Variants in ERC2 observed in about 807,000 individuals in gnomAD.
ERC2 encodes ERC protein 2.
In ERC2, 42 loss-of-function variants were observed where a neutral mutation model predicts 114.8. The observed-to-expected ratio is 0.37, with a 90% CI of 0.29 to 0.47. ERC2 has a LOEUF of 0.47. Ranked by LOEUF, ERC2 falls within the 20% of genes least tolerant of loss-of-function variation. The pLI is 0.99. For missense variants in ERC2, 939 were observed against 1,150.7 expected, an observed-to-expected ratio of 0.82 and a Z score of 2.66; for synonymous variants, 454 against 425.5, an observed-to-expected ratio of 1.07 and a Z score of -0.82.
intron 6 of ERC2, among the ~76,000 whole-genome samples, chr3:56,088,949 G>A (rs1241319962): frequency 2.0e-5 from 3 of 152,110 alleles, no homozygotes; most frequent in South Asian, 2.1e-4. Context: ...ATGCAATAAA[G>A]GTTGCTGATC....
chr3:56,320,311 A>G (rs2057070017), intron 2 of ERC2, among the ~76,000 whole-genome samples: 1 of 152,236 alleles, frequency 6.6e-6, no homozygotes, highest in African/African-American at 2.4e-5. Flanking sequence ...ACATAGCTTG[A>G]AAGGGCTAAG....
intron 6 of ERC2, among the ~76,000 whole-genome samples, chr3:56,134,337 C>G (rs1471412973): frequency 6.6e-6 from 1 of 152,144 alleles, no homozygotes; most frequent in African/African-American, 2.4e-5. Context: ...AATCAGTTCT[C>G]TAACATATAT....
chr3:55,975,729 G>T (rs977635968), intron 12 of ERC2, among the ~76,000 whole-genome samples: 1 of 152,218 alleles, frequency 6.6e-6, no homozygotes, highest in Non-Finnish European at 1.5e-5. Flanking sequence ...CAGTACTCAA[G>T]GCTTTCCTCT....
At chr3:56,404,297 A>G (rs985400025) in intron 2 of ERC2, among the ~76,000 whole-genome samples, 2 of 152,114 alleles carry the variant, frequency 1.3e-5, no homozygotes, top group Non-Finnish European at 2.9e-5. Context: ...TCCTTTTCTC[A>G]TTTTGCTTTA....
chr3:55,619,271 CT>C (rs1193133527), intron 17 of ERC2, among the ~76,000 whole-genome samples: 2 of 152,186 alleles, frequency 1.3e-5, no homozygotes, highest in Admixed American at 6.5e-5. Flanking sequence ...GAAGGAATTT[CT>C]TTAGAAAAGA....
chr3:56,371,981 C>T (rs1224354491), intron 2 of ERC2, among the ~76,000 whole-genome samples: 1 of 152,220 alleles, frequency 6.6e-6, no homozygotes, highest in East Asian at 1.9e-4. Flanking sequence ...ATCTCTCATG[C>T]TGTGTTTTAG....
intron 17 of ERC2, among the ~76,000 whole-genome samples, chr3:55,526,620 G>A (rs1349274042): frequency 6.6e-6 from 1 of 152,178 alleles, no homozygotes; most frequent in African/African-American, 2.4e-5. Context: ...GCCCCAACAG[G>A]TTTTTTCAGA....
intron 1 of ERC2, among the ~76,000 whole-genome samples, chr3:56,460,964 C>CAAAAAAAAAAA (rs35313545): frequency 4.1e-5 from 4 of 98,174 alleles, no homozygotes; most frequent in Admixed American, 2.7e-4. Context: ...ACTAAAAATA[C>CAAAAAAAAAAA]AAAAAAAAAA....
At chr3:56,234,593 G>C (rs190710343) in intron 3 of ERC2, among the ~76,000 whole-genome samples, 5 of 152,268 alleles carry the variant, frequency 3.3e-5, no homozygotes, top group Non-Finnish European at 2.9e-5. Context: ...CATTTTGCAT[G>C]GTTATAACAG....
intron 13 of ERC2, among the ~76,000 whole-genome samples, chr3:55,918,342 T>A (rs1392448150): frequency 3.3e-5 from 5 of 152,188 alleles, no homozygotes; most frequent in South Asian, 2.1e-4. Flanking sequence ...TCTATGAGCA[T>A]CTGTTTTGTC....
chr3:56,317,383 C>T (rs190800359), intron 2 of ERC2, among the ~76,000 whole-genome samples: 34 of 152,138 alleles, frequency 2.2e-4, no homozygotes, highest in Non-Finnish European at 2.8e-4. Context: ...GAGGCAGCTA[C>T]GAAGGTAGCG....
intron 17 of ERC2, among the ~76,000 whole-genome samples, chr3:55,548,579 GTGT>G (rs2054922265): frequency 6.6e-6 from 1 of 152,198 alleles, no homozygotes. Context: ...AGACATACGT[GTGT>G]CAGCAAGGAG....
chr3:55,531,494 G>T (rs962261420), intron 17 of ERC2, among the ~76,000 whole-genome samples: 2 of 152,090 alleles, frequency 1.3e-5, no homozygotes, highest in Non-Finnish European at 2.9e-5. Context: ...TTGTGTCCTT[G>T]CTGCCATTTT....
chr3:55,775,427 A>G (rs907292404), intron 14 of ERC2, among the ~76,000 whole-genome samples: 3 of 151,962 alleles, frequency 2.0e-5, no homozygotes, highest in African/African-American at 7.3e-5. Context: ...AGCTCTCAGG[A>G]GGATGAGGTG....
intron 14 of ERC2, among the ~76,000 whole-genome samples, chr3:55,791,328 A>T (rs1158284255): frequency 6.6e-6 from 1 of 152,172 alleles, no homozygotes; most frequent in Non-Finnish European, 1.5e-5. Context: ...GTCCAGAAAT[A>T]ATTGCTAACT....
chr3:55,617,609 A>C (rs1198185036), intron 17 of ERC2, among the ~76,000 whole-genome samples: 1 of 152,168 alleles, frequency 6.6e-6, no homozygotes, highest in Non-Finnish European at 1.5e-5. Context: ...AACTCTGCCA[A>C]GATGATAAAC....
At chr3:55,904,468 T>A (rs2064317145) in intron 13 of ERC2, among the ~76,000 whole-genome samples, 2 of 152,236 alleles carry the variant, frequency 1.3e-5, no homozygotes. Flanking sequence ...AGAGCCCTCA[T>A]CTCAGCTTTG....
chr3:55,717,368 A>G (rs1482094714), intron 15 of ERC2, among the ~76,000 whole-genome samples: 1 of 152,180 alleles, frequency 6.6e-6, no homozygotes, highest in Non-Finnish European at 1.5e-5. Flanking sequence ...CATGCTAGAA[A>G]AGGTCCAATG....
chr3:56,450,596 G>C (rs1160679593), intron 1 of ERC2, among the ~76,000 whole-genome samples: 1 of 152,144 alleles, frequency 6.6e-6, no homozygotes, highest in African/African-American at 2.4e-5. Context: ...GGAGACCAAG[G>C]TGGGAGGATC....
Sources: gnomAD v4.1 joint callset for allele counts (sites outside exome capture counted in the v4.1 genomes callset) on GRCh38, gnomAD v4.1.1 for gene constraint, MANE v1.5 for transcripts, NCBI Gene and HGNC (gene_info 2026-07-23, HGNC 2026-07-21) for gene names.